The following LAMC3 variants were observed in gnomAD, a reference collection of about 807,000 sequenced individuals.
The protein encoded by LAMC3 is laminin subunit gamma-3.
Under a neutral mutation model 173.8 loss-of-function variants are expected in LAMC3, and 128 were observed. The observed-to-expected ratio is 0.74, with a 90% CI of 0.64 to 0.85. The LOEUF (loss-of-function observed/expected upper bound fraction) is 0.85. Among genes scored for constraint, LAMC3 ranks in the 40% least tolerant of loss-of-function variants. The pLI is 0.00. For missense variants in LAMC3, 2,022 were observed against 2,156.0 expected, an observed-to-expected ratio of 0.94 and a Z score of 1.23; for synonymous variants, 897 against 909.1, an observed-to-expected ratio of 0.99 and a Z score of 0.24.
At chr9:131,016,524 T>A (rs138369954) in intron 1 of LAMC3, among the ~76,000 whole-genome samples, 8 of 152,208 alleles carry the variant, frequency 5.3e-5, no homozygotes, top group Non-Finnish European at 1.0e-4. Flanking sequence ...TTCTGGGAAT[T>A]CAAATAAGGG....
chr9:131,069,227 CAG>C (rs1341249715), intron 16 of LAMC3, among the ~76,000 whole-genome samples, 177 bp downstream of exon 16: 2 of 152,352 alleles, frequency 1.3e-5, no homozygotes, highest in East Asian at 3.9e-4. Context: ...GCCGGGACAG[CAG>C]AGTCACATGA....
Position 131,038,656 on chromosome 9 carries a change from C to G in LAMC3, c.977-208C>G, listed in dbSNP as rs12344119. 0.012 allele frequency among the ~76,000 whole-genome samples: 1,836 copies of G among 152,280 alleles called. 34 individuals are homozygous for G. The highest frequency in any genetic ancestry group is 0.042 in the African/African-American group (1,741 of 41,552). ...TTGGTGTATTTACTAACAGTGTCCC[C>G]TTTGCTCTTAAGAGTGTCCTGTTTT... On this transcript the variant is annotated intron_variant, in intron 4 of 27. Coordinates refer to ENST00000361069, the MANE Select transcript of LAMC3 (RefSeq NM_006059.4).
At chr9:131,047,586 T>A (rs112916505) in intron 8 of LAMC3, among the ~76,000 whole-genome samples, 28 of 145,160 alleles carry the variant, frequency 1.9e-4, no homozygotes, top group African/African-American at 6.5e-4. Context: ...GCGCAGTGGC[T>A]CACGCCTGTA....
At chr9:131,025,039 T>C (rs1338586116) in intron 1 of LAMC3, among the ~76,000 whole-genome samples, 9 of 152,082 alleles carry the variant, frequency 5.9e-5, no homozygotes, top group African/African-American at 2.2e-4. Flanking sequence ...GAAATTGCCT[T>C]TTTAAATTCA....
chr9:131,080,928 G>A (rs1164154908), intron 23 of LAMC3, among the ~76,000 whole-genome samples: 18 of 152,104 alleles, frequency 1.2e-4, no homozygotes, highest in Non-Finnish European at 8.8e-5. Context: ...TGACATTCAC[G>A]TGGCATACAA....
At chr9:131,051,363 TTC>T (rs1834283201) in intron 9 of LAMC3, among the ~76,000 whole-genome samples, 3 of 62,604 alleles carry the variant, frequency 4.8e-5, no homozygotes, top group African/African-American at 2.1e-4. Flanking sequence ...AATTTTACCA[TTC>T]TTTTTTTTTT....
chr9:131,036,163 C>T lies in LAMC3; in HGVS notation c.810-3C>T. ...CCCCTTCCTCCTCTGTGTCTTTTCC[C>T]AGGTGCAAGTGCAACGGGCATGCCA... On this transcript the variant is annotated splice_region_variant and splice_polypyrimidine_tract_variant and intron_variant, in intron 3 of 27. Transcript: ENST00000361069. 15 of 1,613,258 alleles carry T rather than the reference C, an allele frequency of 9.3e-6. No homozygotes were observed. The highest frequency in any genetic ancestry group is 1.3e-5 in the Non-Finnish European group (15 of 1,179,896).
rs754984563 is a variant in LAMC3 at position 131,091,840 on chromosome 9, A to AG, written c.*58dup. The AG allele has an allele frequency of 1.9e-6, 3 of 1,601,862 alleles. No homozygotes were observed. Among genetic ancestry groups the AG allele is most frequent in the African/African-American group, 2.7e-5 (2 of 74,840 alleles). On this transcript the variant is annotated 3_prime_UTR_variant, in exon 28 of 28. Transcript: ENST00000361069. ...CCCCCACCTGCTGTTTACATGACCC[A>AG]GGGGGTGCACACTACCCCACAGGTG... is the stretch of plus-strand genomic sequence containing the variant.
In LAMC3 at chr9:131,020,509, C is replaced by T. The variant is rs114409424; in HGVS notation, c.374-5776C>T. Among the ~76,000 whole-genome samples the T allele has an allele frequency of 4.9e-3, 753 of 152,342 alleles. 5 individuals carry two copies. Among genetic ancestry groups the T allele is most frequent in the African/African-American group, 0.017 (712 of 41,576 alleles). On this transcript the variant is annotated intron_variant, in intron 1 of 27. Transcript: ENST00000361069. Reference sequence around the variant, plus strand: ...AAAAGATTGCCAAGTTCTCCTCTAACCTGGGGAGACCAAACAGTTTTCCTT... The same window carrying T: ...AAAAGATTGCCAAGTTCTCCTCTAATCTGGGGAGACCAAACAGTTTTCCTT...
intron 13 of LAMC3, among the ~76,000 whole-genome samples, chr9:131,061,438 G>A (rs1255886899): frequency 6.6e-6 from 1 of 152,144 alleles, no homozygotes; most frequent in Non-Finnish European, 1.5e-5. Context: ...GCAGAATTTG[G>A]GCCATTGAGA....
rs1466346167 is a variant in LAMC3, at chr9:131,069,684, C to T, written c.2903C>T (p.Ser968Phe). 7.5e-6 allele frequency: 12 copies of T among 1,602,880 alleles called. No individual in the cohort carries two copies. The South Asian group carries it at 1.2e-4, about 17-fold the overall frequency. The change falls in exon 17 of 28, where the codon TCC becomes TTC. Residue 968 changes from serine to phenylalanine, a missense_variant. By Grantham distance (155) the Ser-to-Phe change is radical (BLOSUM62 -2). Coordinates refer to ENST00000361069, the MANE Select transcript of LAMC3 (RefSeq NM_006059.4). ...CTGGCCCCTCTAGCCTGCAGGTGCTCCCCACTGGGCGCTGCCTCGGCCCAG... is the reference window on the plus strand; with the variant it reads ...CTGGCCCCTCTAGCCTGCAGGTGCTTCCCACTGGGCGCTGCCTCGGCCCAG... Reference protein sequence around the residue: ...SIKGCRACRCSPLGAASAQCH... With the variant: ...SIKGCRACRCFPLGAASAQCH...
rs772391950 is a variant in LAMC3 at position 131,061,138 on chromosome 9, C to T, written c.2262C>T (p.Pro754=). The change falls in exon 13 of 28, where the codon CCC becomes CCT. Residue 754 remains proline, a synonymous_variant. Coordinates refer to ENST00000361069, the MANE Select transcript of LAMC3 (RefSeq NM_006059.4). The part of the protein sequence containing the change: ...PFAGQADDCQ[P]CPCPGQSACT... ...CGGGCCAAGCCGACGACTGCCAGCCCTGTCCCTGCCCTGGCCAGTCGGCCT... is the reference window on the plus strand; with the variant it reads ...CGGGCCAAGCCGACGACTGCCAGCCTTGTCCCTGCCCTGGCCAGTCGGCCT... 3 of 1,613,648 alleles carry T rather than the reference C, an allele frequency of 1.9e-6. No homozygotes were observed. Among genetic ancestry groups the T allele is most frequent in the Non-Finnish European group, 2.5e-6 (3 of 1,180,026 alleles).
chr9:131,050,180 C>T (rs987314031), intron 9 of LAMC3, among the ~76,000 whole-genome samples: 36 of 152,368 alleles, frequency 2.4e-4, no homozygotes, highest in African/African-American at 7.5e-4. Context: ...CTGAAAGAAG[C>T]GCTTGCTGGG....
At chr9:131,032,643 GCTCTCACTCA>G (rs1234312725) in intron 3 of LAMC3, among the ~76,000 whole-genome samples, 2 of 120,196 alleles carry the variant, frequency 1.7e-5, no homozygotes, top group East Asian at 2.4e-4. Context: ...TTGCTCTCTC[GCTCTCACTCA>G]CTCTCTCTCA....
intron 13 of LAMC3, among the ~76,000 whole-genome samples, chr9:131,063,754 C>G (rs1179393953): frequency 2.0e-5 from 3 of 152,212 alleles, no homozygotes; most frequent in Non-Finnish European, 4.4e-5. Context: ...CACTCATCAT[C>G]ATCAGTTTCA....
Position 131,087,888 on chromosome 9 carries a change from T to C in LAMC3, c.4477+71T>C. ...GCACCTCTAGGATCTTCCTGTGAGC[T>C]CCAGTCCTGGGGAAGATTTCCTCCT... On this transcript the variant is annotated intron_variant, in intron 27 of 27. Transcript: ENST00000361069. 2.5e-6 allele frequency: 3 copies of C among 1,204,752 alleles called. No individual in the cohort carries two copies. In the South Asian group the frequency reaches 3.8e-5, roughly 15 times the overall value. The allele number at this position is 1,204,752 out of a possible 1,614,324, so 74.6% of individuals were successfully genotyped here.
At chr9:131,063,223 A>T (rs1829864463) in intron 13 of LAMC3, among the ~76,000 whole-genome samples, 1 of 152,164 alleles carries the variant, frequency 6.6e-6, no homozygotes, top group Non-Finnish European at 1.5e-5. Flanking sequence ...AGGGATGGAG[A>T]TTGCACTGCG....
chr9:131,053,495 C>T (rs1301413505), intron 11 of LAMC3, among the ~76,000 whole-genome samples: 1 of 152,196 alleles, frequency 6.6e-6, no homozygotes, highest in African/African-American at 2.4e-5. Flanking sequence ...ACAGCCTTAG[C>T]CTCTGATCTG....
Position 131,077,928 on chromosome 9 carries a change from G to A in LAMC3, c.3777+594G>A, listed in dbSNP as rs184086153. Among the ~76,000 whole-genome samples, 548 of 152,182 alleles carry A rather than the reference G, an allele frequency of 3.6e-3. 4 individuals are homozygous for A. Among genetic ancestry groups the A allele is most frequent in the South Asian group, 0.019 (93 of 4,818 alleles). On this transcript the variant is annotated intron_variant, in intron 22 of 27. Transcript: ENST00000361069. Reference sequence around the variant, plus strand: ...ATTAGCAGTGTCATCAGATGGACACGGGATGCAATCCCAGCTCTGCCACTC... The same window carrying A: ...ATTAGCAGTGTCATCAGATGGACACAGGATGCAATCCCAGCTCTGCCACTC...
Sources: gnomAD v4.1 joint callset for allele counts (sites outside exome capture counted in the v4.1 genomes callset) on GRCh38, gnomAD v4.1.1 for gene constraint, MANE v1.5 for transcripts, NCBI Gene and HGNC (gene_info 2026-07-23, HGNC 2026-07-21) for gene names.